CCS: variants seen among roughly 807,000 people sequenced by gnomAD.
CCS encodes the protein superoxide dismutase copper chaperone.
In CCS, 32 loss-of-function variants were observed where a neutral mutation model predicts 35.5. That is an observed-to-expected ratio of 0.90 (90% CI 0.68 to 1.21). The LOEUF is 1.21. CCS is among the 50% of genes most tolerant of loss of function. CCS has a pLI of 0.00. For synonymous variants in CCS, 130 were observed against 147.2 expected (o/e 0.88, Z 0.84); for missense variants, 342 against 375.4 (o/e 0.91, Z 0.73).
chr11:66,604,386 A>G (rs1458073400), intron 5 of CCS, among the ~76,000 whole-genome samples: 1 of 152,230 alleles, frequency 6.6e-6, no homozygotes, highest in African/African-American at 2.4e-5. Context: ...GATAAAGCAG[A>G]ACTGCCACTT....
chr11:66,599,755 G>A, intron 4 of CCS, 119 bp downstream of exon 4: 2 of 955,368 alleles, frequency 2.1e-6, no homozygotes, highest in Non-Finnish European at 3.1e-6. Context: ...GGAAACTGAG[G>A]CTCACAGAGG....
At chr11:66,597,228 G>A (rs541950379) in intron 2 of CCS, among the ~76,000 whole-genome samples, 20 of 152,146 alleles carry the variant, frequency 1.3e-4, no homozygotes, top group Non-Finnish European at 2.6e-4. Context: ...GGAGGCTGAG[G>A]CAGGCAGATC....
intron 7 of CCS, 21 bp from the exon 8 acceptor site, chr11:66,605,679 CCT>C (rs1459600919): frequency 1.3e-6 from 2 of 1,575,398 alleles, no homozygotes; most frequent in African/African-American, 2.7e-5. Context: ...GGTACCCACC[CCT>C]GACCACACAT....
rs1858421940 is a variant in CCS at position 66,593,640 on chromosome 11, A to C, written c.40-2A>C. ...ATCGGTTGGTCCCTGCCGCCCTTGC[A>C]GTTGGAGTTCGCGGTGCAGATGACC... is the stretch of plus-strand genomic sequence containing the variant. On this transcript the variant is annotated splice_acceptor_variant, in intron 1 of 7. Transcript: ENST00000533244. LOFTEE classifies it high-confidence loss of function. 6.2e-7 allele frequency: 1 copy of C among 1,613,658 alleles called. No individual in the cohort carries two copies. The highest frequency in any genetic ancestry group is 8.5e-7 in the Non-Finnish European group (1 of 1,179,982).
chr11:66,593,578 T>C, intron 1 of CCS, 64 bp from the exon 2 acceptor site: 4 of 1,548,374 alleles, frequency 2.6e-6, no homozygotes, highest in Non-Finnish European at 3.5e-6. Context: ...GGGTAGGTGG[T>C]GAAACAAAGT....
chr11:66,600,551 T>G lies in CCS; in HGVS notation c.489+2T>G. On this transcript the variant is annotated splice_donor_variant, in intron 5 of 7. Transcript: ENST00000533244. LOFTEE classifies it high-confidence loss of function. The stretch of plus-strand genomic sequence containing the variant: ...GGGGGCCCCCAGGACTCTGACCGGG[T>G]AAGTGTCTGTCTGGGTTTGGGCTTG... 2 of 1,509,964 alleles carry G rather than the reference T, an allele frequency of 1.3e-6. No individual in the cohort carries two copies. The highest frequency in any genetic ancestry group is 1.8e-6 in the Non-Finnish European group (2 of 1,120,196). The allele number at this position is 1,509,964 out of a possible 1,614,324, so 93.5% of individuals were successfully genotyped here.
intron 4 of CCS, 87 bp downstream of exon 4, chr11:66,599,723 C>G: frequency 7.9e-7 from 1 of 1,259,380 alleles, no homozygotes; most frequent in Admixed American, 2.3e-5. Flanking sequence ...GGCACATACA[C>G]ACAGGCACAA....
intron 5 of CCS, 92 bp from the exon 6 acceptor site, chr11:66,605,247 C>G: frequency 6.4e-7 from 1 of 1,574,638 alleles, no homozygotes. Flanking sequence ...TTTAGGGAAG[C>G]AGGAAGAGGC....
intron 2 of CCS, among the ~76,000 whole-genome samples, chr11:66,597,341 C>T (rs573871393): frequency 6.6e-6 from 1 of 151,868 alleles, no homozygotes; most frequent in South Asian, 2.1e-4. Flanking sequence ...ACCTGTTGTC[C>T]CAGCTACTCG....
Position 66,593,665 on chromosome 11 carries a change from C to T in CCS, c.63C>T (p.Thr21=), listed in dbSNP as rs959133362. The T allele has an allele frequency of 6.2e-6, 10 of 1,614,076 alleles. No homozygotes were observed. The South Asian group carries it at 1.1e-4, about 18-fold the overall frequency. ...LCTLEFAVQM[T]CQSCVDAVRK... ...AGTTGGAGTTCGCGGTGCAGATGAC[C>T]TGTCAGAGCTGTGTGGACGCGGTGC... Residue 21 remains threonine (T), a synonymous_variant, in exon 2 of 8, where the codon ACC becomes ACT. Coordinates refer to ENST00000533244, the MANE Select transcript of CCS (RefSeq NM_005125.2).
At chr11:66,605,298 G>A (rs751077991) in intron 5 of CCS, 41 bp from the exon 6 acceptor site, 31 of 1,612,576 alleles carry the variant, frequency 1.9e-5, no homozygotes, top group Admixed American at 1.2e-4. Flanking sequence ...TTGGCACCAC[G>A]TGGCACACAT....
chr11:66,604,318 A>G (rs145588755), intron 5 of CCS, among the ~76,000 whole-genome samples: 1 of 152,162 alleles, frequency 6.6e-6, no homozygotes, highest in South Asian at 2.1e-4. Flanking sequence ...CAAATCTCCA[A>G]CGCAGGGCGT....
chr11:66,596,367 AT>A (rs1858476568), intron 2 of CCS, among the ~76,000 whole-genome samples: 1 of 141,960 alleles, frequency 7.0e-6, no homozygotes, highest in African/African-American at 2.6e-5. Context: ...ACGCCTGGCC[AT>A]CTGACAACTG....
chr11:66,593,811 C>T, intron 2 of CCS, 97 bp downstream of exon 2: 1 of 1,127,642 alleles, frequency 8.9e-7, no homozygotes, highest in Non-Finnish European at 1.3e-6. Flanking sequence ...TTTACAGATG[C>T]AGAAAGTGAA....
chr11:66,600,530 GCC>G lies in CCS; in HGVS notation c.474_475del (p.Gln159GlyfsTer3). On this transcript the variant is annotated frameshift_variant, in exon 5 of 8. Coordinates refer to ENST00000533244, the MANE Select transcript of CCS (RefSeq NM_005125.2). LOFTEE classifies it high-confidence loss of function. ...AACCCTGATGGAGCATCTCATGGGG[GCC>G]CCCAGGACTCTGACCGGGTAAGTGT... The G allele has an allele frequency of 6.5e-7, 1 of 1,530,150 alleles. No individual in the cohort carries two copies. Among genetic ancestry groups the G allele is most frequent in the Non-Finnish European group, 8.8e-7 (1 of 1,133,166 alleles). The allele number at this position is 1,530,150 out of a possible 1,614,324, so 94.8% of individuals were successfully genotyped here. A position where few individuals can be genotyped will look rare whatever the true frequency, so the allele number is the denominator to read the frequency against.
intron 5 of CCS, among the ~76,000 whole-genome samples, chr11:66,602,944 C>G (rs1858593667): frequency 6.6e-6 from 1 of 152,224 alleles, no homozygotes; most frequent in Admixed American, 6.5e-5. Context: ...TGCATTCAAG[C>G]CTGGTTGTCC....
chr11:66,601,887 T>C (rs1189841885), intron 5 of CCS, among the ~76,000 whole-genome samples: 2 of 152,096 alleles, frequency 1.3e-5, no homozygotes, highest in African/African-American at 4.8e-5. Flanking sequence ...CACATTTTTT[T>C]TTTTTCTTTT....
rs1010328024 is a variant in CCS at position 66,599,033 on chromosome 11, A to G, written c.113-83A>G. 2.6e-6 allele frequency: 4 copies of G among 1,553,638 alleles called. No homozygotes were observed. The African/African-American group carries it at 5.4e-5, about 21-fold the overall frequency. On this transcript the variant is annotated intron_variant, in intron 2 of 7. Transcript: ENST00000533244. ...GGAAGTTTGGTGGAAATGGGGATGG[A>G]GAATTGCTGTCTGTTTTTCTGTTCC...
At chr11:66,604,299 T>C (rs929856344) in intron 5 of CCS, among the ~76,000 whole-genome samples, 28 of 152,142 alleles carry the variant, frequency 1.8e-4, no homozygotes, top group African/African-American at 5.1e-4. Context: ...TCTTGATCTT[T>C]CTACTGTTCA....
Sources: allele counts gnomAD v4.1 joint callset (sites outside exome capture counted in the v4.1 genomes callset), GRCh38; gene constraint gnomAD v4.1.1; transcripts MANE v1.5; gene names NCBI Gene and HGNC (gene_info 2026-07-23, HGNC 2026-07-21).